CDH4: variants seen among roughly 807,000 people sequenced by gnomAD.
CDH4 encodes cadherin-4.
A neutral mutation model predicts 86.0 loss-of-function variants in CDH4; 33 were observed. That is an observed-to-expected ratio of 0.38 (90% CI 0.29 to 0.51). The LOEUF is 0.51. Ranked by LOEUF, CDH4 falls within the 20% of genes least tolerant of loss-of-function variation. The pLI is 0.86. For synonymous variants in CDH4, 555 were observed against 549.4 expected (o/e 1.01, Z -0.14); for missense variants, 1,114 against 1,307.4 (o/e 0.85, Z 2.28).
chr20:61,465,947 C>A (rs2085469551), intron 2 of CDH4, among the ~76,000 whole-genome samples: 1 of 151,456 alleles, frequency 6.6e-6, no homozygotes, highest in African/African-American at 2.4e-5. Context: ...AATTACTCTG[C>A]CTGCCACGGG....
chr20:61,883,112 C>T (rs190196675), intron 7 of CDH4, among the ~76,000 whole-genome samples: 47 of 152,188 alleles, frequency 3.1e-4, no homozygotes, highest in African/African-American at 9.1e-4. Flanking sequence ...AAGCCCACCC[C>T]GCCTGCCCCA....
At position 61,852,757 on chromosome 20, in the gene CDH4, C is replaced by T. The variant is rs775401538; in HGVS notation, c.736C>T (p.Arg246Ter). Reference sequence around the variant, plus strand: ...CCTGTCTCTGCTGCTTTTCCAGCTCCGAGCCCACGCTGTGGACATGAATGG... The same window carrying T: ...CCTGTCTCTGCTGCTTTTCCAGCTCTGAGCCCACGCTGTGGACATGAATGG... ...DREEHASYHLRAHAVDMNGNK... is the reference protein window; with the variant it reads ...DREEHASYHL Residue 246 changes from arginine to a stop codon, truncating the protein, a stop_gained, in exon 6 of 16, where the codon CGA becomes TGA. Coordinates refer to ENST00000614565, the MANE Select transcript of CDH4 (RefSeq NM_001794.5). LOFTEE classifies it high-confidence loss of function. 6 of 1,608,344 alleles carry T rather than the reference C, an allele frequency of 3.7e-6. No homozygotes were observed. Among genetic ancestry groups the T allele is most frequent in the East Asian group, 2.2e-5 (1 of 44,616 alleles).
chr20:61,787,123 CGTCT>C (rs1978925072), intron 4 of CDH4, among the ~76,000 whole-genome samples: 1 of 151,962 alleles, frequency 6.6e-6, no homozygotes, highest in Admixed American at 6.6e-5. Flanking sequence ...TCCATCCATC[CGTCT>C]GTCCGTCCAT....
intron 2 of CDH4, among the ~76,000 whole-genome samples, chr20:61,264,995 C>G (rs1230110785): frequency 6.7e-6 from 1 of 149,286 alleles, no homozygotes; most frequent in Non-Finnish European, 1.5e-5. Context: ...ACCTCAGTGG[C>G]TCCTTCATTC....
At chr20:61,259,234 T>C (rs2123118059) in intron 2 of CDH4, among the ~76,000 whole-genome samples, 1 of 152,352 alleles carries the variant, frequency 6.6e-6, no homozygotes, top group African/African-American at 2.4e-5. Context: ...AGATGCAGTG[T>C]CTGGAATCCA....
intron 3 of CDH4, among the ~76,000 whole-genome samples, chr20:61,750,343 A>G (rs1483483041): frequency 6.6e-6 from 1 of 152,246 alleles, no homozygotes; most frequent in Non-Finnish European, 1.5e-5. Context: ...GGGATATTAT[A>G]TACAATTTAT....
At chr20:61,571,316 G>C (rs1251101825) in intron 2 of CDH4, among the ~76,000 whole-genome samples, 1 of 152,278 alleles carries the variant, frequency 6.6e-6, no homozygotes, top group South Asian at 2.1e-4. Flanking sequence ...ACTCAGGTGC[G>C]TGGCTGATGT....
intron 4 of CDH4, among the ~76,000 whole-genome samples, chr20:61,798,513 C>T (rs1979666684): frequency 6.6e-6 from 1 of 152,196 alleles, no homozygotes; most frequent in South Asian, 2.1e-4. Context: ...GTGGGCCCCT[C>T]AGGAAGAAAA....
At chr20:61,930,513 G>A (rs1009117786) in intron 13 of CDH4, among the ~76,000 whole-genome samples, 17 of 152,094 alleles carry the variant, frequency 1.1e-4, no homozygotes, top group African/African-American at 3.9e-4. Flanking sequence ...GAGGCAGGGC[G>A]GGGAAGGGTT....
intron 7 of CDH4, among the ~76,000 whole-genome samples, chr20:61,875,546 G>A (rs1053333023): frequency 5.9e-5 from 9 of 152,208 alleles, no homozygotes; most frequent in South Asian, 2.1e-4. Context: ...GGGCTGGCAC[G>A]GATGGCACAG....
intron 2 of CDH4, among the ~76,000 whole-genome samples, chr20:61,305,454 A>G (rs1372786193): frequency 2.6e-5 from 4 of 152,122 alleles, no homozygotes; most frequent in East Asian, 1.9e-4. Flanking sequence ...CTTTTTCTCT[A>G]TGGATGCTGC....
At chr20:61,825,535 T>C (rs536665554) in intron 4 of CDH4, among the ~76,000 whole-genome samples, 1 of 152,266 alleles carries the variant, frequency 6.6e-6, no homozygotes, top group South Asian at 2.1e-4. Flanking sequence ...TCTCAGTGCC[T>C]CGTATAAAGA....
intron 9 of CDH4, 54 bp from the exon 10 acceptor site, chr20:61,923,397 C>T (rs1467077745): frequency 2.3e-5 from 36 of 1,590,768 alleles, no homozygotes; most frequent in African/African-American, 6.7e-5. Context: ...CCCCCCATGC[C>T]CACTCCCACG....
At chr20:61,610,166 T>C (rs548184796) in intron 2 of CDH4, among the ~76,000 whole-genome samples, 1 of 152,162 alleles carries the variant, frequency 6.6e-6, no homozygotes, top group Non-Finnish European at 1.5e-5. Context: ...CACTCCACTT[T>C]CCCAGGATCT....
At chr20:61,739,079 C>A (rs1347915494) in intron 2 of CDH4, 1 of 152,398 alleles carries the variant, frequency 6.6e-6, no homozygotes, top group African/African-American at 2.4e-5. Context: ...GATGTTAATT[C>A]TCTCCTGAAG....
chr20:61,741,837 C>T (rs371768647), intron 2 of CDH4, among the ~76,000 whole-genome samples: 41 of 151,908 alleles, frequency 2.7e-4, no homozygotes, highest in African/African-American at 7.7e-4. Context: ...CGCGCCCAGC[C>T]GCCTGTACTT....
chr20:61,354,661 G>A (rs1386038240), intron 2 of CDH4, among the ~76,000 whole-genome samples: 4 of 152,248 alleles, frequency 2.6e-5, no homozygotes, highest in Non-Finnish European at 4.4e-5. Context: ...TGGCAGTGTG[G>A]AGCCCACATT....
intron 2 of CDH4, among the ~76,000 whole-genome samples, chr20:61,484,688 C>T (rs2085586356): frequency 6.6e-6 from 1 of 152,180 alleles, no homozygotes; most frequent in Non-Finnish European, 1.5e-5. Context: ...TACCTGTGTG[C>T]TCATCGGATC....
intron 8 of CDH4, among the ~76,000 whole-genome samples, chr20:61,904,412 C>T (rs2054765788): frequency 1.3e-5 from 2 of 152,146 alleles, no homozygotes; most frequent in Admixed American, 6.5e-5. Flanking sequence ...CTCCCTCTTC[C>T]GTCTCTCCCC....
Sources: allele counts gnomAD v4.1 joint callset (sites outside exome capture counted in the v4.1 genomes callset), GRCh38; gene constraint gnomAD v4.1.1; transcripts MANE v1.5; gene names NCBI Gene and HGNC (gene_info 2026-07-23, HGNC 2026-07-21).